Variants in GRM8 observed in about 807,000 individuals in gnomAD.
The protein encoded by GRM8 is glutamate metabotropic receptor 8, also known as metabotropic glutamate receptor 8.
In GRM8, 47 loss-of-function variants were observed where a neutral mutation model predicts 87.2. The observed-to-expected ratio is 0.54, with a 90% CI of 0.43 to 0.69. GRM8 has a LOEUF of 0.69. Among genes scored for constraint, GRM8 ranks in the 30% least tolerant of loss-of-function variants. The pLI is 0.00. For missense variants in GRM8, 1,019 were observed against 1,139.2 expected (o/e 0.89, Z 1.52); for synonymous variants, 396 against 404.5 (o/e 0.98, Z 0.25).
chr7:126,636,374 G>A (rs1801853151), intron 7 of GRM8, among the ~76,000 whole-genome samples: 1 of 151,888 alleles, frequency 6.6e-6, no homozygotes, highest in Admixed American at 6.6e-5. Context: ...ATATAAAATG[G>A]CATATAACCT....
intron 6 of GRM8, among the ~76,000 whole-genome samples, chr7:126,879,261 T>C (rs1287786882): frequency 6.6e-6 from 1 of 152,080 alleles, no homozygotes; most frequent in Non-Finnish European, 1.5e-5. Context: ...AGGCAATTTA[T>C]TCAAGTTTTC....
At chr7:127,164,645 GA>G in intron 2 of GRM8, among the ~76,000 whole-genome samples, 1 of 152,198 alleles carries the variant, frequency 6.6e-6, no homozygotes, top group East Asian at 1.9e-4. Context: ...CACCTTGTTG[GA>G]AATCTTTATA....
At chr7:126,935,880 A>G (rs962261721) in intron 3 of GRM8, among the ~76,000 whole-genome samples, 7 of 152,124 alleles carry the variant, frequency 4.6e-5, no homozygotes, top group Non-Finnish European at 1.0e-4. Flanking sequence ...TTGTTCCTCA[A>G]TATAAACTCA....
At chr7:127,211,653 T>C (rs1376284673) in intron 2 of GRM8, among the ~76,000 whole-genome samples, 1 of 152,178 alleles carries the variant, frequency 6.6e-6, no homozygotes, top group Non-Finnish European at 1.5e-5. Flanking sequence ...CCTTCATGGC[T>C]GGGATTACTG....
chr7:126,661,556 C>A (rs1359654569), intron 7 of GRM8, among the ~76,000 whole-genome samples: 1 of 152,126 alleles, frequency 6.6e-6, no homozygotes, highest in Non-Finnish European at 1.5e-5. Context: ...GCATGAATAG[C>A]CCCGGCTTCA....
intron 8 of GRM8, among the ~76,000 whole-genome samples, chr7:126,552,102 C>T (rs938583318): frequency 6.6e-6 from 1 of 152,144 alleles, no homozygotes; most frequent in Non-Finnish European, 1.5e-5. Context: ...GCTGTCAACA[C>T]ACTACTATTT....
intron 9 of GRM8, among the ~76,000 whole-genome samples, chr7:126,450,335 T>G (rs1563018948): frequency 6.6e-6 from 1 of 151,874 alleles, no homozygotes; most frequent in African/African-American, 2.4e-5. Context: ...AAAGCAACTT[T>G]ATGCCACGTG....
At chr7:126,755,881 T>C (rs1816950668) in intron 7 of GRM8, among the ~76,000 whole-genome samples, 1 of 152,020 alleles carries the variant, frequency 6.6e-6, no homozygotes, top group Admixed American at 6.6e-5. Context: ...ACATTTAATA[T>C]TCATATGGAT....
intron 7 of GRM8, among the ~76,000 whole-genome samples, chr7:126,731,680 T>C (rs1248231671): frequency 6.6e-6 from 1 of 152,104 alleles, no homozygotes; most frequent in African/African-American, 2.4e-5. Flanking sequence ...ATTAGAATAT[T>C]TCTCCAGCAC....
At chr7:127,083,072 AT>A (rs1387351847) in intron 3 of GRM8, among the ~76,000 whole-genome samples, 1 of 152,162 alleles carries the variant, frequency 6.6e-6, no homozygotes, top group African/African-American at 2.4e-5. Context: ...CCAAAATAAT[AT>A]TTGTCCACAT....
At chr7:126,896,388 T>C (rs1801542914) in intron 6 of GRM8, among the ~76,000 whole-genome samples, 1 of 151,888 alleles carries the variant, frequency 6.6e-6, no homozygotes, top group South Asian at 2.1e-4. Flanking sequence ...AGGGGACAAA[T>C]GGGGATGGCA....
chr7:126,711,899 G>C (rs1469854056), intron 7 of GRM8, among the ~76,000 whole-genome samples: 1 of 152,172 alleles, frequency 6.6e-6, no homozygotes, highest in East Asian at 1.9e-4. Context: ...ATTAGGCTTT[G>C]GTATAAAGGA....
intron 7 of GRM8, among the ~76,000 whole-genome samples, chr7:126,755,311 T>A (rs1240265305): frequency 6.6e-6 from 1 of 151,942 alleles, no homozygotes; most frequent in East Asian, 1.9e-4. Flanking sequence ...TCAATTCTCT[T>A]TATGGTTTTG....
At chr7:126,992,252 A>G (rs1218102542) in intron 3 of GRM8, among the ~76,000 whole-genome samples, 2 of 152,216 alleles carry the variant, frequency 1.3e-5, no homozygotes, top group Non-Finnish European at 2.9e-5. Flanking sequence ...ATTGAACATT[A>G]TACTGCAAGT....
intron 9 of GRM8, among the ~76,000 whole-genome samples, chr7:126,513,128 G>C (rs528745214): frequency 6.6e-6 from 1 of 152,056 alleles, no homozygotes; most frequent in African/African-American, 2.4e-5. Context: ...TTAAAAATAA[G>C]TCTTTAAAAA....
At chr7:126,801,277 G>A (rs958639440) in intron 6 of GRM8, among the ~76,000 whole-genome samples, 41 of 152,012 alleles carry the variant, frequency 2.7e-4, no homozygotes, top group Admixed American at 2.2e-3. Context: ...GCTTCATGCC[G>A]CAATGCCACT....
At chr7:126,526,014 T>C (rs887634649) in intron 9 of GRM8, among the ~76,000 whole-genome samples, 3 of 152,338 alleles carry the variant, frequency 2.0e-5, no homozygotes, top group African/African-American at 7.2e-5. Context: ...TACTAACCCA[T>C]ATGATACCAC....
intron 3 of GRM8, among the ~76,000 whole-genome samples, chr7:126,934,854 G>T (rs1285778940): frequency 1.3e-5 from 2 of 152,144 alleles, no homozygotes; most frequent in African/African-American, 4.8e-5. Context: ...AAAAGATTGT[G>T]CAAAGCCACA....
intron 3 of GRM8, among the ~76,000 whole-genome samples, chr7:126,966,479 A>G (rs1490179683): frequency 2.6e-5 from 4 of 152,168 alleles, no homozygotes; most frequent in African/African-American, 9.7e-5. Flanking sequence ...CTTAAAAGGA[A>G]AGGAAAACAA....
Sources: gnomAD v4.1 joint callset for allele counts (sites outside exome capture counted in the v4.1 genomes callset) on GRCh38, gnomAD v4.1.1 for gene constraint, MANE v1.5 for transcripts, NCBI Gene and HGNC (gene_info 2026-07-23, HGNC 2026-07-21) for gene names.